The following KIF26B variants were observed in gnomAD, a reference collection of about 807,000 sequenced individuals.
The protein encoded by KIF26B is kinesin family member 26B.
KIF26B carries 63 observed loss-of-function variants against 151.2 expected under a neutral mutation model. The ratio of observed to expected loss-of-function variants is 0.42; its 90% CI spans 0.34 to 0.51. The LOEUF is 0.51. KIF26B is among the 20% of genes least tolerant of loss of function. The pLI is 0.07. For missense variants in KIF26B, 2,813 were observed against 2,913.6 expected (o/e 0.97, Z 0.79); for synonymous variants, 1,357 against 1,262.1 (o/e 1.08, Z -1.59).
intron 4 of KIF26B, among the ~76,000 whole-genome samples, chr1:245,457,562 CT>C (rs1389327619): frequency 1.3e-5 from 2 of 152,130 alleles, no homozygotes; most frequent in Non-Finnish European, 2.9e-5. Context: ...CAGTTGACAC[CT>C]CTGCATTTCT....
At chr1:245,417,266 CT>C (rs1674443625) in intron 3 of KIF26B, among the ~76,000 whole-genome samples, 1 of 151,060 alleles carries the variant, frequency 6.6e-6, no homozygotes, top group African/African-American at 2.4e-5. Flanking sequence ...GGATTTTTTT[CT>C]ATATATCACA....
chr1:245,607,745 G>C lies in KIF26B; in HGVS notation c.1651+1G>C. ...TTCTGTTTCGGCCACGCCAAACTGG[G>C]TTCGTGAGAGTTTCACTTTCTCATG... is the stretch of plus-strand genomic sequence containing the variant. On this transcript the variant is annotated splice_donor_variant, in intron 7 of 14. Transcript: ENST00000407071. LOFTEE classifies it high-confidence loss of function. The C allele has an allele frequency of 6.2e-7, 1 of 1,609,448 alleles. No homozygotes were observed. The highest frequency in any genetic ancestry group is 8.5e-7 in the Non-Finnish European group (1 of 1,177,678).
chr1:245,174,422 C>T (rs11800308), intron 2 of KIF26B, among the ~76,000 whole-genome samples: 97,258 of 151,668 alleles, frequency 0.64, 31,592 homozygotes, highest in African/African-American at 0.68. Flanking sequence ...AACAGTAATA[C>T]AAGAAAAAAA....
At chr1:245,439,615 A>G (rs889349339) in intron 4 of KIF26B, among the ~76,000 whole-genome samples, 1 of 152,210 alleles carries the variant, frequency 6.6e-6, no homozygotes, top group African/African-American at 2.4e-5. Flanking sequence ...AAATTATTTT[A>G]GGTAATAAAA....
At chr1:245,347,689 T>C (rs1330844092) in intron 2 of KIF26B, among the ~76,000 whole-genome samples, 1 of 152,244 alleles carries the variant, frequency 6.6e-6, no homozygotes, top group Non-Finnish European at 1.5e-5. Flanking sequence ...TTCCAGTTTC[T>C]CATCTCTATC....
At chr1:245,523,451 T>C (rs974032990) in intron 4 of KIF26B, among the ~76,000 whole-genome samples, 8 of 152,188 alleles carry the variant, frequency 5.3e-5, no homozygotes, top group African/African-American at 1.9e-4. Flanking sequence ...CTGTCTTAGT[T>C]CCTTTGGGTC....
chr1:245,685,978 T>C lies in KIF26B; in HGVS notation c.2995T>C (p.Ser999Pro), dbSNP rs754473800. 1 of 1,599,114 alleles carries C rather than the reference T, an allele frequency of 6.3e-7. No homozygotes were observed. Among genetic ancestry groups the C allele is most frequent in the East Asian group, 2.3e-5 (1 of 44,080 alleles). ...TNREGPELPA[S>P]KMQRSHSPVP... is the part of the protein sequence containing the mutation. ...CAGAGAAGGCCCTGAACTCCCAGCC[T>C]CCAAGATGCAGAGGAGTCACTCACC... The change falls in exon 12 of 15, where the codon TCC becomes CCC. Residue 999 changes from serine (S) to proline (P), a missense_variant. Ser to Pro is a moderately conservative substitution (Grantham distance 74). Around this residue, in one of 3 missense-constraint regions of KIF26B, gnomAD observed 2,060 missense variants for 2,088.6 expected, o/e 0.99. Coordinates refer to ENST00000407071, the MANE Select transcript of KIF26B (RefSeq NM_018012.4).
At position 245,600,187 on chromosome 1, in the gene KIF26B, C is replaced by T. The variant is rs1387223897; in HGVS notation, c.1351-2390C>T. Among the ~76,000 whole-genome samples the T allele has an allele frequency of 1.7e-5, 2 of 118,614 alleles. 1 individual carries two copies. The highest frequency in any genetic ancestry group is 3.7e-5 in the Non-Finnish European group (2 of 54,490). The allele number at this position is 118,614 out of a possible 152,430, so 77.8% of individuals were successfully genotyped here. On this transcript the variant is annotated intron_variant, in intron 5 of 14. Coordinates refer to ENST00000407071, the MANE Select transcript of KIF26B (RefSeq NM_018012.4). ...CCGAGTAGCTGGGACTACAGGCGCC[C>T]GCCACCATGCCCGGCTAATTTTTTG... is the stretch of plus-strand genomic sequence containing the variant.
At chr1:245,386,215 T>C (rs1165015622) in intron 3 of KIF26B, among the ~76,000 whole-genome samples, 3 of 151,660 alleles carry the variant, frequency 2.0e-5, no homozygotes, top group African/African-American at 7.3e-5. Context: ...CACTCCAGCC[T>C]GGGCAACAGA....
At chr1:245,633,312 T>C (rs993799232) in intron 9 of KIF26B, among the ~76,000 whole-genome samples, 3 of 151,902 alleles carry the variant, frequency 2.0e-5, no homozygotes, top group African/African-American at 7.3e-5. Flanking sequence ...TCCATTCATC[T>C]TGTCTATATT....
At position 245,687,922 on chromosome 1, in the gene KIF26B, G is replaced by A; in HGVS notation, c.4939G>A (p.Asp1647Asn). Residue 1647 changes from aspartate (D) to asparagine (N), a missense_variant, in exon 12 of 15, where the codon GAC becomes AAC. Physicochemically the swap from Asp to Asn is conservative, Grantham distance 23. Transcript: ENST00000407071. This position sits in a 1 kb window ranked among gnomAD's most constrained non-coding sequence, Gnocchi z 4.9. ...LPDEPSGKTK[D>N]ASSSSKLFSA... ...AGACGAGCCTAGCGGCAAGACGAAGGACGCCAGCAGCAGCAGCAAGCTCTT... is the reference window on the plus strand; with the variant it reads ...AGACGAGCCTAGCGGCAAGACGAAGAACGCCAGCAGCAGCAGCAAGCTCTT... The A allele has an allele frequency of 6.3e-7, 1 of 1,594,082 alleles. No homozygotes were observed. Among genetic ancestry groups the A allele is most frequent in the Non-Finnish European group, 8.5e-7 (1 of 1,172,234 alleles).
chr1:245,365,473 C>G (rs949144449), intron 2 of KIF26B, among the ~76,000 whole-genome samples: 1 of 151,260 alleles, frequency 6.6e-6, no homozygotes, highest in Non-Finnish European at 1.5e-5. Context: ...AGAACCACCC[C>G]CCAAATGCTG....
intron 2 of KIF26B, among the ~76,000 whole-genome samples, chr1:245,165,114 G>A (rs181996860): frequency 6.6e-6 from 1 of 152,004 alleles, no homozygotes; most frequent in Admixed American, 6.5e-5. Context: ...CAAGAAGATG[G>A]GTTGGAAGAG....
chr1:245,325,161 A>G (rs1337916030), intron 2 of KIF26B, among the ~76,000 whole-genome samples: 1 of 151,954 alleles, frequency 6.6e-6, no homozygotes, highest in Non-Finnish European at 1.5e-5. Context: ...ACCTCCTTAC[A>G]CACATACCCA....
chr1:245,535,210 A>C (rs1220542351), intron 4 of KIF26B, among the ~76,000 whole-genome samples: 1 of 152,188 alleles, frequency 6.6e-6, no homozygotes, highest in Non-Finnish European at 1.5e-5. Context: ...TATGAAAAGA[A>C]CTGAAGCTGC....
intron 2 of KIF26B, among the ~76,000 whole-genome samples, chr1:245,199,453 C>G (rs1382588187): frequency 6.6e-6 from 1 of 151,942 alleles, no homozygotes; most frequent in East Asian, 1.9e-4. Context: ...CTTTATTCAT[C>G]CATCATACCT....
At chr1:245,469,533 G>C (rs1659864370) in intron 4 of KIF26B, among the ~76,000 whole-genome samples, 1 of 152,160 alleles carries the variant, frequency 6.6e-6, no homozygotes, top group Non-Finnish European at 1.5e-5. Context: ...CCTACCTATA[G>C]TGAGAGCTAT....
rs750395018 is a variant in KIF26B, at chr1:245,646,218, G to A, written c.2196G>A (p.Ser732=). The part of the protein sequence containing the change: ...NREGGSGLCL[S]LSALGNVILA... ...AAGGAGGCTCAGGGCTGTGTCTCTCGCTGTCTGCTCTGGGCAATGTCATCC... is the reference window on the plus strand; with the variant it reads ...AAGGAGGCTCAGGGCTGTGTCTCTCACTGTCTGCTCTGGGCAATGTCATCC... Residue 732 remains serine, a synonymous_variant, in exon 10 of 15, where the codon TCG becomes TCA. Coordinates refer to ENST00000407071, the MANE Select transcript of KIF26B (RefSeq NM_018012.4). 47 of 1,613,836 alleles carry A rather than the reference G, an allele frequency of 2.9e-5. No homozygotes were observed. Among genetic ancestry groups the A allele is most frequent in the Non-Finnish European group, 3.7e-5 (44 of 1,179,876 alleles).
intron 2 of KIF26B, among the ~76,000 whole-genome samples, chr1:245,228,692 G>A (rs1669928106): frequency 6.6e-6 from 1 of 152,162 alleles, no homozygotes; most frequent in Non-Finnish European, 1.5e-5. Context: ...GATACACTTA[G>A]TAATTTACAT....
Sources: gnomAD v4.1 joint callset for allele counts (sites outside exome capture counted in the v4.1 genomes callset) on GRCh38, gnomAD v4.1.1 for gene constraint, gnomAD v4.1.1 regional missense constraint, Gnocchi (gnomAD v3.1) non-coding constraint, MANE v1.5 for transcripts, NCBI Gene and HGNC (gene_info 2026-07-23, HGNC 2026-07-21) for gene names.